Variants in COMMD2 observed in about 807,000 individuals in gnomAD.
COMMD2 encodes the protein COMM domain containing 2.
COMMD2 carries 25 observed loss-of-function variants against 22.5 expected under a neutral mutation model. The ratio of observed to expected loss-of-function variants is 1.11; its 90% CI spans 0.81 to 1.55. The LOEUF is 1.55. Ranked by LOEUF, COMMD2 falls within the 40% of genes most tolerant of loss-of-function variation. The pLI, the probability that COMMD2 is intolerant of heterozygous loss-of-function variation, is 0.00. For synonymous variants in COMMD2, 98 were observed against 91.2 expected (o/e 1.07, Z -0.42); for missense variants, 223 against 232.9 (o/e 0.96, Z 0.28).
At chr3:149,745,589 A>G (rs1426672810) in intron 4 of COMMD2, among the ~76,000 whole-genome samples, 2 of 152,258 alleles carry the variant, frequency 1.3e-5, no homozygotes, top group Non-Finnish European at 2.9e-5. Context: ...CAGCACTGCT[A>G]TGTCCACAAG....
At chr3:149,752,011 A>C in intron 2 of COMMD2, 199 bp downstream of exon 2, 2 of 528,392 alleles carry the variant, frequency 3.8e-6, no homozygotes, top group Admixed American at 7.1e-5. Context: ...AAACTGATTT[A>C]ATAGAAGCTT....
At position 149,741,054 on chromosome 3, in the gene COMMD2, T is replaced by C. The variant is rs1716199224; in HGVS notation, c.*467A>G. 1 of 152,330 alleles carries C rather than the reference T, an allele frequency of 6.6e-6. No homozygotes were observed. Among genetic ancestry groups the C allele is most frequent in the African/African-American group, 2.4e-5 (1 of 41,356 alleles). The allele number at this position is 152,330 out of a possible 1,614,324, so 9.4% of individuals were successfully genotyped here. A position where few individuals can be genotyped will look rare whatever the true frequency, so the allele number is the denominator to read the frequency against. On this transcript the variant is annotated 3_prime_UTR_variant, in exon 5 of 5. Transcript: ENST00000473414. ...TCTGATTACTTTTTTATTTTTATTT[T>C]TACTTTATTATTATTATTATTATTT...
Position 149,741,726 on chromosome 3 carries a change from T to C in COMMD2, c.403-8A>G. 2 of 1,603,818 alleles carry C rather than the reference T, an allele frequency of 1.2e-6. No individual in the cohort carries two copies. The highest frequency in any genetic ancestry group is 2.2e-5 in the South Asian group (2 of 90,820). Reference sequence around the variant, plus strand: ...GAGACTTCTACTTGCAAGCTTGATTTTAAATGAAATAAGAGCACAGTAACT... The same window carrying C: ...GAGACTTCTACTTGCAAGCTTGATTCTAAATGAAATAAGAGCACAGTAACT... On this transcript the variant is annotated splice_polypyrimidine_tract_variant and splice_region_variant and intron_variant, in intron 4 of 4. Transcript: ENST00000473414.
At chr3:149,742,029 AC>A (rs1716243146) in intron 4 of COMMD2, among the ~76,000 whole-genome samples, 2 of 152,096 alleles carry the variant, frequency 1.3e-5, no homozygotes, top group African/African-American at 4.8e-5. Context: ...CAAGTCATAA[AC>A]CGAGAGAAGG....
intron 4 of COMMD2, 167 bp downstream of exon 4, chr3:149,750,511 G>A: frequency 1.9e-6 from 1 of 522,578 alleles, no homozygotes; most frequent in South Asian, 3.1e-5. Context: ...TGAACACACT[G>A]AAAATAAAAG....
Position 149,741,590 on chromosome 3 carries a change from T to C in COMMD2, c.531A>G (p.Gln177=), listed in dbSNP as rs1546732. The C allele has an allele frequency of 6.2e-7, 1 of 1,614,144 alleles. No homozygotes were observed. The highest frequency in any genetic ancestry group is 8.5e-7 in the Non-Finnish European group (1 of 1,180,026). ...TCTCTTCCAATGCTTGTTCCAGTTG[T>C]TGAACCAAATGGAGCAGGGTGGCTG... ...TDPATLLHLV[Q]QLEQALEEMK... Residue 177 remains glutamine, a synonymous_variant, in exon 5 of 5, where the codon CAA becomes CAG. Coordinates refer to ENST00000473414, the MANE Select transcript of COMMD2 (RefSeq NM_016094.4).
intron 1 of COMMD2, 37 bp from the exon 2 acceptor site, chr3:149,752,324 G>C: frequency 5.6e-6 from 9 of 1,613,048 alleles, no homozygotes; most frequent in Non-Finnish European, 7.6e-6. Context: ...AGTGCCAGGC[G>C]CTGCCTTTGA....
At chr3:149,746,068 C>T (rs1221638888) in intron 4 of COMMD2, among the ~76,000 whole-genome samples, 1 of 152,182 alleles carries the variant, frequency 6.6e-6, no homozygotes, top group African/African-American at 2.4e-5. Context: ...CACATCCTCA[C>T]CTACTGTGGA....
At position 149,741,048 on chromosome 3, in the gene COMMD2, T is replaced by A. The variant is rs1334235571; in HGVS notation, c.*473A>T. On this transcript the variant is annotated 3_prime_UTR_variant, in exon 5 of 5. Coordinates refer to ENST00000473414, the MANE Select transcript of COMMD2 (RefSeq NM_016094.4). ...TTAGCTTCTGATTACTTTTTTATTT[T>A]TATTTTTACTTTATTATTATTATTA... 6.6e-6 allele frequency: 1 copy of A among 152,472 alleles called. No homozygotes were observed. Among genetic ancestry groups the A allele is most frequent in the Admixed American group, 6.6e-5 (1 of 15,246 alleles). The allele number at this position is 152,472 out of a possible 1,614,324, so 9.4% of individuals were successfully genotyped here.
Position 149,752,205 on chromosome 3 carries a change from C to T in COMMD2, c.145+5G>A, listed in dbSNP as rs780305111. ...CCTGCGGAGCCTTCCCCTTTCCCTT[C>T]TTACTGGCGGCGCCTTCGTAGATTT... is the stretch of plus-strand genomic sequence containing the variant. On this transcript the variant is annotated splice_donor_5th_base_variant and intron_variant, in intron 2 of 4. Transcript: ENST00000473414. The T allele has an allele frequency of 6.2e-7, 1 of 1,613,410 alleles. No individual in the cohort carries two copies. Among genetic ancestry groups the T allele is most frequent in the South Asian group, 1.1e-5 (1 of 90,986 alleles).
chr3:149,751,102 G>A (rs1229217498), intron 3 of COMMD2, among the ~76,000 whole-genome samples: 3 of 152,126 alleles, frequency 2.0e-5, no homozygotes, highest in African/African-American at 7.2e-5. Context: ...AGATACTGCT[G>A]ATACGCAAAC....
In COMMD2 at chr3:149,750,859, A is replaced by C; in HGVS notation, c.229-8T>G. 1 of 1,538,388 alleles carries C rather than the reference A, an allele frequency of 6.5e-7. No individual in the cohort carries two copies. The highest frequency in any genetic ancestry group is 8.8e-7 in the Non-Finnish European group (1 of 1,134,446). On this transcript the variant is annotated splice_polypyrimidine_tract_variant and splice_region_variant and intron_variant, in intron 3 of 4. Coordinates refer to ENST00000473414, the MANE Select transcript of COMMD2 (RefSeq NM_016094.4). ...GAAATCCAGTTCAGAAATCTAAGTGAATTGAGTTTAAAAGAACATCAAAAT... is the reference window on the plus strand; with the variant it reads ...GAAATCCAGTTCAGAAATCTAAGTGCATTGAGTTTAAAAGAACATCAAAAT...
chr3:149,741,499 A>C lies in COMMD2; in HGVS notation c.*22T>G. 7 of 1,585,258 alleles carry C rather than the reference A, an allele frequency of 4.4e-6. No homozygotes were observed. The highest frequency in any genetic ancestry group is 4.5e-5 in the East Asian group (2 of 44,726). ...CATCAATTCATAAGTGATTCAAATGAATTAAAACCTTAAAACTGGTACTAC... is the reference window on the plus strand; with the variant it reads ...CATCAATTCATAAGTGATTCAAATGCATTAAAACCTTAAAACTGGTACTAC... On this transcript the variant is annotated 3_prime_UTR_variant, in exon 5 of 5. Transcript: ENST00000473414.
intron 4 of COMMD2, among the ~76,000 whole-genome samples, chr3:149,743,154 G>A (rs919183168): frequency 2.0e-5 from 3 of 151,740 alleles, no homozygotes; most frequent in African/African-American, 7.3e-5. Flanking sequence ...TTTAAACTGG[G>A]TATCTATAAC....
intron 2 of COMMD2, chr3:149,751,965 A>C (rs549304629): frequency 5.4e-5 from 24 of 443,588 alleles, no homozygotes; most frequent in African/African-American, 4.6e-4. Context: ...AGTATTTCTG[A>C]AAGTAAGGTG....
chr3:149,749,169 C>T (rs1716456926), intron 4 of COMMD2, among the ~76,000 whole-genome samples: 1 of 152,154 alleles, frequency 6.6e-6, no homozygotes, highest in African/African-American at 2.4e-5. Context: ...CATATGCCAC[C>T]ATGCCCAGCT....
intron 4 of COMMD2, among the ~76,000 whole-genome samples, chr3:149,748,860 G>A (rs538396150): frequency 2.2e-3 from 332 of 152,338 alleles, no homozygotes; most frequent in Admixed American, 4.1e-3. Flanking sequence ...GTCGAGTCAA[G>A]AGGTAGCAGC....
At chr3:149,743,039 A>AGGATAAC (rs1716278914) in intron 4 of COMMD2, among the ~76,000 whole-genome samples, 1 of 152,086 alleles carries the variant, frequency 6.6e-6, no homozygotes, top group South Asian at 2.1e-4. Context: ...GGTTTCCTTC[A>AGGATAAC]GGTGGCTGGG....
rs1449472478 is a variant in COMMD2 at position 149,740,563 on chromosome 3, T to G, written c.*958A>C. On this transcript the variant is annotated 3_prime_UTR_variant, in exon 5 of 5. Transcript: ENST00000473414. The stretch of plus-strand genomic sequence containing the variant: ...ACTATTTAAGCCAATTAATTAACCA[T>G]GATCACTCAAACTTAGGCAATATGA... 1 of 152,180 alleles carries G rather than the reference T, an allele frequency of 6.6e-6. No homozygotes were observed. The highest frequency in any genetic ancestry group is 1.5e-5 in the Non-Finnish European group (1 of 68,018). 9.4% of individuals were successfully genotyped at this position (152,180 alleles called of 1,614,324 possible). A position where few individuals can be genotyped will look rare whatever the true frequency, so the allele number is the denominator to read the frequency against.
Sources: allele counts gnomAD v4.1 joint callset (sites outside exome capture counted in the v4.1 genomes callset), GRCh38; gene constraint gnomAD v4.1.1; transcripts MANE v1.5; gene names NCBI Gene and HGNC (gene_info 2026-07-23, HGNC 2026-07-21).